Variants in SEMA3E observed in about 807,000 individuals in gnomAD.
The protein encoded by SEMA3E is semaphorin 3E.
In SEMA3E, 49 loss-of-function variants were observed where a neutral mutation model predicts 93.6. The ratio of observed to expected loss-of-function variants is 0.52; its 90% CI spans 0.42 to 0.66. The LOEUF is 0.66. Among genes scored for constraint, SEMA3E ranks in the 30% least tolerant of loss-of-function variants. SEMA3E has a pLI of 0.00. For missense variants in SEMA3E, 906 were observed against 964.8 expected, an observed-to-expected ratio of 0.94 and a Z score of 0.81; for synonymous variants, 363 against 330.7, an observed-to-expected ratio of 1.10 and a Z score of -1.06.
intron 1 of SEMA3E, among the ~76,000 whole-genome samples, chr7:83,521,264 A>AC (rs963068032): frequency 1.3e-5 from 2 of 152,082 alleles, no homozygotes; most frequent in African/African-American, 4.8e-5. Context: ...GAACACTTTT[A>AC]CCAAGACAAA....
At chr7:83,582,232 A>G (rs1792530952) in intron 1 of SEMA3E, among the ~76,000 whole-genome samples, 1 of 150,654 alleles carries the variant, frequency 6.6e-6, no homozygotes, top group Admixed American at 6.6e-5. Flanking sequence ...CTAAATAAAA[A>G]TAAATAGTAA....
chr7:83,401,513 A>G (rs1788232503), intron 10 of SEMA3E, among the ~76,000 whole-genome samples: 3 of 152,034 alleles, frequency 2.0e-5, no homozygotes, highest in Admixed American at 2.0e-4. Flanking sequence ...AATCTCCTTT[A>G]AGACCATGTG....
intron 4 of SEMA3E, among the ~76,000 whole-genome samples, chr7:83,454,272 A>AAATATATAT (rs1257792756): frequency 9.1e-6 from 1 of 110,136 alleles, no homozygotes; most frequent in African/African-American, 4.3e-5. Flanking sequence ...AAAAAAAAAA[A>AAATATATAT]ATATATATAT....
chr7:83,648,650 G>C lies in SEMA3E; in HGVS notation c.-108C>G, dbSNP rs1323821631. The C allele has an allele frequency of 1.2e-6, 1 of 807,980 alleles. No individual in the cohort carries two copies. The highest frequency in any genetic ancestry group is 1.7e-5 in the African/African-American group (1 of 58,728). The allele number at this position is 807,980 out of a possible 1,614,324, so 50.1% of individuals were successfully genotyped here. On this transcript the variant is annotated 5_prime_UTR_variant, in exon 1 of 17. Coordinates refer to ENST00000643230, the MANE Select transcript of SEMA3E (RefSeq NM_012431.3). ...CGTGCGAGAGGCTTTGTCAGAAATCGAACGCGTTGTCATCAGAAAGCACAG... is the reference window on the plus strand; with the variant it reads ...CGTGCGAGAGGCTTTGTCAGAAATCCAACGCGTTGTCATCAGAAAGCACAG...
chr7:83,512,870 T>A (rs1267904761), intron 1 of SEMA3E, among the ~76,000 whole-genome samples: 2 of 152,204 alleles, frequency 1.3e-5, no homozygotes, highest in African/African-American at 2.4e-5. Context: ...CCAAATACTC[T>A]GAATTCAAAG....
chr7:83,424,717 G>A (rs906291519), intron 4 of SEMA3E, among the ~76,000 whole-genome samples: 5 of 152,174 alleles, frequency 3.3e-5, no homozygotes, highest in Non-Finnish European at 2.9e-5. Context: ...AGACCTTGAG[G>A]AGGGGAAACT....
At chr7:83,511,721 C>A (rs1790823003) in intron 1 of SEMA3E, among the ~76,000 whole-genome samples, 1 of 151,870 alleles carries the variant, frequency 6.6e-6, no homozygotes, top group East Asian at 1.9e-4. Flanking sequence ...TCTGTCTCTA[C>A]TAAAAATACA....
intron 1 of SEMA3E, among the ~76,000 whole-genome samples, chr7:83,630,386 GC>G (rs949118666): frequency 6.6e-6 from 1 of 152,076 alleles, no homozygotes; most frequent in African/African-American, 2.4e-5. Flanking sequence ...GCAAAGTTTG[GC>G]CCTATCACTT....
At chr7:83,550,476 T>C (rs543301898) in intron 1 of SEMA3E, among the ~76,000 whole-genome samples, 178 of 152,246 alleles carry the variant, frequency 1.2e-3, no homozygotes, top group African/African-American at 4.0e-3. Flanking sequence ...TTGCTCTTCC[T>C]TCTTCACCAT....
At chr7:83,393,046 A>AAG (rs1210278121) in intron 13 of SEMA3E, among the ~76,000 whole-genome samples, 1 of 151,514 alleles carries the variant, frequency 6.6e-6, no homozygotes, top group East Asian at 1.9e-4. Flanking sequence ...TCTCAAAAAA[A>AAG]AAAAAAAAAA....
rs1794121857 is a variant in SEMA3E, at chr7:83,649,135, G to C, written c.-593C>G. The C allele has an allele frequency of 6.5e-6, 1 of 153,732 alleles. No homozygotes were observed. The highest frequency in any genetic ancestry group is 2.0e-4 in the South Asian group (1 of 4,964). 9.5% of individuals were successfully genotyped at this position (153,732 alleles called of 1,614,324 possible). Reference sequence around the variant, plus strand: ...GGCTGTTTACAGGAAAGTTCAGGCAGGGTTGAGCAGCGTACTTGCTGTTTC... The same window carrying C: ...GGCTGTTTACAGGAAAGTTCAGGCACGGTTGAGCAGCGTACTTGCTGTTTC... On this transcript the variant is annotated 5_prime_UTR_variant, in exon 1 of 17. Transcript: ENST00000643230.
chr7:83,410,159 A>G (rs896729301), intron 5 of SEMA3E, among the ~76,000 whole-genome samples: 7 of 151,858 alleles, frequency 4.6e-5, no homozygotes, highest in Non-Finnish European at 8.8e-5. Flanking sequence ...ATGAGATACA[A>G]ATAAATACAA....
At chr7:83,497,307 A>G (rs1038557791) in intron 1 of SEMA3E, among the ~76,000 whole-genome samples, 1 of 152,154 alleles carries the variant, frequency 6.6e-6, no homozygotes. Context: ...CTCTCAAACA[A>G]AAATAGATTT....
chr7:83,494,130 C>T (rs926466553), intron 1 of SEMA3E, among the ~76,000 whole-genome samples: 1 of 151,598 alleles, frequency 6.6e-6, no homozygotes, highest in African/African-American at 2.4e-5. Flanking sequence ...AAATATATTT[C>T]TAGGGAGTAA....
intron 1 of SEMA3E, among the ~76,000 whole-genome samples, chr7:83,582,876 C>T (rs553118606): frequency 1.6e-3 from 250 of 151,966 alleles, no homozygotes; most frequent in Non-Finnish European, 3.0e-3. Flanking sequence ...ATTTCATCCA[C>T]TTTTTGTGTA....
rs960749606 is a variant in SEMA3E, at chr7:83,367,090, A to G, written c.*496T>C. 16 of 173,444 alleles carry G rather than the reference A, an allele frequency of 9.2e-5. No homozygotes were observed. Among genetic ancestry groups the G allele is most frequent in the Non-Finnish European group, 1.9e-4 (15 of 80,906 alleles). The allele number at this position is 173,444 out of a possible 1,614,324, so 10.7% of individuals were successfully genotyped here. On this transcript the variant is annotated 3_prime_UTR_variant, in exon 17 of 17. Coordinates refer to ENST00000643230, the MANE Select transcript of SEMA3E (RefSeq NM_012431.3). Reference sequence around the variant, plus strand: ...CCTGCTACTTAACACTCATGGCTTAAACAACACTAATAAAATAATCCTTAA... The same window carrying G: ...CCTGCTACTTAACACTCATGGCTTAGACAACACTAATAAAATAATCCTTAA...
chr7:83,563,809 C>G (rs1792084853), intron 1 of SEMA3E, among the ~76,000 whole-genome samples: 1 of 152,180 alleles, frequency 6.6e-6, no homozygotes, highest in Non-Finnish European at 1.5e-5. Context: ...AACTTAGACT[C>G]TTTCCATTAA....
intron 1 of SEMA3E, among the ~76,000 whole-genome samples, chr7:83,506,328 G>T (rs1790705253): frequency 6.6e-6 from 1 of 152,000 alleles, no homozygotes; most frequent in Admixed American, 6.6e-5. Context: ...AATATGGATG[G>T]AACTAGAGAT....
chr7:83,595,372 C>T (rs1792850574), intron 1 of SEMA3E, among the ~76,000 whole-genome samples: 1 of 151,972 alleles, frequency 6.6e-6, no homozygotes, highest in Admixed American at 6.6e-5. Context: ...TTTGCAGAAA[C>T]AGTACAGAGT....
Sources: gnomAD v4.1 joint callset for allele counts (sites outside exome capture counted in the v4.1 genomes callset) on GRCh38, gnomAD v4.1.1 for gene constraint, MANE v1.5 for transcripts, NCBI Gene and HGNC (gene_info 2026-07-23, HGNC 2026-07-21) for gene names.